The following PRIM2 variants were observed in gnomAD, a reference collection of about 807,000 sequenced individuals.
PRIM2 encodes the protein DNA primase subunit 2.
PRIM2 carries 39 observed loss-of-function variants against 67.3 expected under a neutral mutation model. That is an observed-to-expected ratio of 0.58 (90% CI 0.45 to 0.76). PRIM2 has a LOEUF of 0.76. Among genes scored for constraint, PRIM2 ranks in the 30% least tolerant of loss-of-function variants. PRIM2 has a pLI of 0.00. For missense variants in PRIM2, 398 were observed against 598.7 expected (o/e 0.66, Z 3.50); for synonymous variants, 143 against 198.7 (o/e 0.72, Z 2.36).
In PRIM2 at chr6:57,393,679, A is replaced by G. The variant is rs575716619; in HGVS notation, c.693+11511A>G. Among the ~76,000 whole-genome samples the G allele has an allele frequency of 9.1e-4, 139 of 151,966 alleles. 1 individual carries two copies. The highest frequency in any genetic ancestry group is 3.2e-3 in the African/African-American group (131 of 41,390). On this transcript the variant is annotated intron_variant, in intron 7 of 13. Transcript: ENST00000615550. ...TCTTTAGTTTAAGTAGGTCCCAGCT[A>G]TTTATCTTTGTTGTTATTGCATTTG...
intron 13 of PRIM2, among the ~76,000 whole-genome samples, chr6:57,638,164 A>C (rs1451010420): frequency 5.3e-5 from 8 of 152,210 alleles, no homozygotes; most frequent in Non-Finnish European, 1.2e-4. Context: ...TTCATAAGCG[A>C]AGGAGAAATA....
chr6:57,301,483 A>G, the PRIM2 span, among the ~76,000 whole-genome samples: 1 of 152,200 alleles, frequency 6.6e-6, no homozygotes, highest in Admixed American at 6.5e-5. Flanking sequence ...GCAAAATTCC[A>G]TCTCAAAAAC....
the PRIM2 span, among the ~76,000 whole-genome samples, chr6:57,231,876 C>A: frequency 6.6e-6 from 1 of 150,488 alleles, no homozygotes; most frequent in Non-Finnish European, 1.5e-5. Flanking sequence ...ACCACTAGTA[C>A]AATGAACTTA....
At chr6:57,540,426 A>G (rs1257470110) in intron 10 of PRIM2, among the ~76,000 whole-genome samples, 11 of 152,184 alleles carry the variant, frequency 7.2e-5, no homozygotes, top group African/African-American at 2.2e-4. Context: ...CAGAAGAATG[A>G]TAGTGTACAA....
chr6:57,243,714 A>G, the PRIM2 span, among the ~76,000 whole-genome samples: 3 of 152,128 alleles, frequency 2.0e-5, no homozygotes, highest in Non-Finnish European at 2.9e-5. Flanking sequence ...ACTTCAGGTG[A>G]TCATCCCGCC....
intron 7 of PRIM2, among the ~76,000 whole-genome samples, chr6:57,398,699 T>C (rs1770605599): frequency 6.6e-6 from 1 of 152,202 alleles, no homozygotes; most frequent in Non-Finnish European, 1.5e-5. Context: ...CTAAATATCT[T>C]CGTTAATTTT....
intron 5 of PRIM2, among the ~76,000 whole-genome samples, chr6:57,340,023 A>G (rs1290184059): frequency 6.6e-6 from 1 of 152,064 alleles, no homozygotes; most frequent in Non-Finnish European, 1.5e-5. Context: ...AAAAAAAACA[A>G]CCCCATCAAA....
intron 5 of PRIM2, among the ~76,000 whole-genome samples, chr6:57,352,451 G>C: frequency 6.6e-6 from 1 of 152,082 alleles, no homozygotes; most frequent in East Asian, 1.9e-4. Flanking sequence ...ATGTTGGCCA[G>C]GCTGGTCTCA....
intron 7 of PRIM2, among the ~76,000 whole-genome samples, chr6:57,391,023 C>T (rs1203476831): frequency 6.6e-6 from 1 of 151,776 alleles, no homozygotes; most frequent in Admixed American, 6.6e-5. Context: ...AGTGTTCCCT[C>T]CTCTTCGCAA....
chr6:57,608,527 A>G (rs1358784909), intron 12 of PRIM2, among the ~76,000 whole-genome samples: 3 of 152,058 alleles, frequency 2.0e-5, no homozygotes, highest in Non-Finnish European at 4.4e-5. Flanking sequence ...GAGCCCAGGC[A>G]TTCAAGACCA....
intron 5 of PRIM2, among the ~76,000 whole-genome samples, chr6:57,342,336 T>G (rs73748719): frequency 7.9e-5 from 12 of 152,228 alleles, no homozygotes; most frequent in Admixed American, 3.3e-4. Context: ...CTGTCCATGG[T>G]GACTATTTTG....
At chr6:57,285,692 A>C in the PRIM2 span, among the ~76,000 whole-genome samples, 2 of 152,210 alleles carry the variant, frequency 1.3e-5, no homozygotes, top group African/African-American at 4.8e-5. Flanking sequence ...AGCTTTGAAA[A>C]CTGTCACAAG....
intron 11 of PRIM2, among the ~76,000 whole-genome samples, chr6:57,601,570 G>A (rs1486580636): frequency 6.6e-6 from 1 of 152,124 alleles, no homozygotes; most frequent in Admixed American, 6.5e-5. Flanking sequence ...AAATTAGAAT[G>A]TTCTAAGTTT....
intron 13 of PRIM2, among the ~76,000 whole-genome samples, chr6:57,635,763 A>G (rs1777110210): frequency 6.6e-6 from 1 of 152,198 alleles, no homozygotes. Flanking sequence ...CTGGACTAGA[A>G]GCCACCATCA....
the PRIM2 span, among the ~76,000 whole-genome samples, chr6:57,234,417 T>C: frequency 1.3e-5 from 2 of 152,250 alleles, no homozygotes; most frequent in African/African-American, 2.4e-5. Flanking sequence ...TTAATTAAAC[T>C]CCTGTTTAGA....
At chr6:57,266,709 C>T in the PRIM2 span, among the ~76,000 whole-genome samples, 1 of 152,180 alleles carries the variant, frequency 6.6e-6, no homozygotes, top group Non-Finnish European at 1.5e-5. Context: ...ATTAGAATAA[C>T]ATTTTGTAGT....
chr6:57,329,244 G>C (rs1330332375), intron 5 of PRIM2, among the ~76,000 whole-genome samples: 2 of 151,956 alleles, frequency 1.3e-5, no homozygotes, highest in South Asian at 4.1e-4. Context: ...TACTCCTACA[G>C]TTTTTTCTGT....
chr6:57,346,362 G>A (rs1175080761), intron 5 of PRIM2, among the ~76,000 whole-genome samples: 1 of 152,000 alleles, frequency 6.6e-6, no homozygotes, highest in Non-Finnish European at 1.5e-5. Flanking sequence ...TGTCGCCCAG[G>A]CTGGAGTCCA....
chr6:57,359,433 T>C (rs1769128512), intron 5 of PRIM2, among the ~76,000 whole-genome samples: 1 of 152,236 alleles, frequency 6.6e-6, no homozygotes, highest in African/African-American at 2.4e-5. Flanking sequence ...ATTAATCTGT[T>C]CACCAGCTCA....
Sources: gnomAD v4.1 joint callset for allele counts (sites outside exome capture counted in the v4.1 genomes callset) on GRCh38, gnomAD v4.1.1 for gene constraint, MANE v1.5 for transcripts, NCBI Gene and HGNC (gene_info 2026-07-23, HGNC 2026-07-21) for gene names.